Variants in HIBCH observed in about 807,000 individuals in gnomAD.
HIBCH encodes the protein 3-hydroxyisobutyryl-CoA hydrolase, also known as 3-hydroxyisobutyryl-CoA hydrolase, mitochondrial.
In HIBCH, 50 loss-of-function variants were observed where a neutral mutation model predicts 58.2. That is an observed-to-expected ratio of 0.86 (90% CI 0.68 to 1.09). HIBCH has a LOEUF of 1.09. HIBCH is among the 50% of genes least tolerant of loss of function. HIBCH has a pLI of 0.00. For missense variants in HIBCH, 450 were observed against 449.7 expected (o/e 1.00, Z -0.01); for synonymous variants, 151 against 146.9 (o/e 1.03, Z -0.20).
intron 11 of HIBCH, among the ~76,000 whole-genome samples, chr2:190,220,916 T>C (rs1454194219): frequency 6.6e-6 from 1 of 152,200 alleles, no homozygotes; most frequent in African/African-American, 2.4e-5. Flanking sequence ...CAATTGTTCC[T>C]CAGCACTACC....
chr2:190,278,666 G>C (rs1463216167), intron 6 of HIBCH, among the ~76,000 whole-genome samples: 1 of 149,672 alleles, frequency 6.7e-6, no homozygotes, highest in Non-Finnish European at 1.5e-5. Context: ...GTAACACCAG[G>C]GAGCTTTAAA....
At chr2:190,276,835 C>T (rs1040516179) in intron 6 of HIBCH, among the ~76,000 whole-genome samples, 3 of 152,162 alleles carry the variant, frequency 2.0e-5, no homozygotes, top group African/African-American at 7.2e-5. Context: ...CATTTTTCTT[C>T]AGTTACCAAT....
At chr2:190,193,093 AAG>A (rs1218655179) in intron 1 of HIBCH, among the ~76,000 whole-genome samples, 1 of 152,112 alleles carries the variant, frequency 6.6e-6, no homozygotes, top group Admixed American at 6.5e-5. Flanking sequence ...CATAGGGAAA[AAG>A]TGTTGTCTTT....
In HIBCH at chr2:190,259,365, G is replaced by C. The variant is rs7598322; in HGVS notation, c.517+1791C>G. Among the ~76,000 whole-genome samples, 799 of 141,212 alleles carry C rather than the reference G, an allele frequency of 5.7e-3. 10 individuals carry two copies. The highest frequency in any genetic ancestry group is 0.021 in the African/African-American group (749 of 35,840). 92.6% of individuals were successfully genotyped at this position (141,212 alleles called of 152,430 possible). The stretch of plus-strand genomic sequence containing the variant: ...TGTGTGTGTGTGTGTGTGTGTGTGT[G>C]TGTCTGTCTGACTGACATGGTCTGG... On this transcript the variant is annotated intron_variant, in intron 7 of 13. Coordinates refer to ENST00000359678, the MANE Select transcript of HIBCH (RefSeq NM_014362.4).
chr2:190,257,706 T>C (rs909859881), intron 7 of HIBCH, among the ~76,000 whole-genome samples: 4 of 152,084 alleles, frequency 2.6e-5, no homozygotes, highest in Non-Finnish European at 2.9e-5. Context: ...AAGCCCAATA[T>C]CATGGTGCCA....
At chr2:190,262,363 A>G (rs924617132) in intron 6 of HIBCH, among the ~76,000 whole-genome samples, 1 of 152,188 alleles carries the variant, frequency 6.6e-6, no homozygotes, top group Non-Finnish European at 1.5e-5. Flanking sequence ...AACTTGTCTA[A>G]TAACTGCCCC....
At chr2:190,312,490 T>C (rs291448) in intron 1 of HIBCH, among the ~76,000 whole-genome samples, 84,597 of 152,010 alleles carry the variant, frequency 0.56, 24,291 homozygotes, top group South Asian at 0.61. Context: ...TGACAATCTG[T>C]TAATTTTTCA....
At chr2:190,309,077 C>T (rs1162566491) in intron 2 of HIBCH, among the ~76,000 whole-genome samples, 1 of 152,166 alleles carries the variant, frequency 6.6e-6, no homozygotes, top group Non-Finnish European at 1.5e-5. Context: ...CTTCATAAAA[C>T]ACCCCAAGAG....
chr2:190,296,410 A>G (rs1688104913), intron 3 of HIBCH, among the ~76,000 whole-genome samples: 1 of 117,878 alleles, frequency 8.5e-6, no homozygotes, highest in African/African-American at 3.2e-5. Context: ...ACAGAGTGAG[A>G]CTCCTCCGTC....
intron 6 of HIBCH, among the ~76,000 whole-genome samples, chr2:190,264,591 T>C (rs1687180090): frequency 1.3e-5 from 2 of 152,324 alleles, no homozygotes; most frequent in South Asian, 2.1e-4. Flanking sequence ...CAACATTATG[T>C]TTGTGAGATT....
At chr2:190,238,442 CAT>C (rs968792959) in intron 11 of HIBCH, among the ~76,000 whole-genome samples, 13 of 151,842 alleles carry the variant, frequency 8.6e-5, no homozygotes, top group African/African-American at 2.7e-4. Flanking sequence ...AACTTTTTTT[CAT>C]ATGTTTGTTG....
rs1688690698 is a variant in HIBCH, at chr2:190,315,480, G to A, written c.35+4236C>T. On this transcript the variant is annotated intron_variant, in intron 1 of 13. Coordinates refer to ENST00000359678, the MANE Select transcript of HIBCH (RefSeq NM_014362.4). This position sits in a 1 kb window ranked among gnomAD's most constrained non-coding sequence, Gnocchi z 5.4. ...AACAAACCCTCCAGGTGGTTATGAT[G>A]CGTGAAGTTTAAATAAACAACTGTC... 6.6e-6 allele frequency among the ~76,000 whole-genome samples: 1 copy of A among 152,178 alleles called. No individual in the cohort carries two copies. The highest frequency in any genetic ancestry group is 2.4e-5 in the African/African-American group (1 of 41,428).
At chr2:190,205,356 A>G (rs189691978) in intron 13 of HIBCH, 124 bp from the exon 14 acceptor site, 2 of 640,848 alleles carry the variant, frequency 3.1e-6, no homozygotes, top group South Asian at 3.6e-5. Context: ...TTTCCTGCAA[A>G]ATTTTTATAT....
At chr2:190,229,456 G>C (rs1686024361) in intron 11 of HIBCH, among the ~76,000 whole-genome samples, 1 of 152,182 alleles carries the variant, frequency 6.6e-6, no homozygotes, top group Non-Finnish European at 1.5e-5. Context: ...CATGCTGTGA[G>C]ATAAACTTTC....
Position 190,214,111 on chromosome 2 carries a change from A to G in HIBCH, c.892-1036T>C, listed in dbSNP as rs1690577359. The G allele has an allele frequency of 6.6e-6, 1 of 152,152 alleles. No individual in the cohort carries two copies. Among genetic ancestry groups the G allele is most frequent in the Non-Finnish European group, 1.5e-5 (1 of 68,068 alleles). 9.4% of individuals were successfully genotyped at this position (152,152 alleles called of 1,614,324 possible). The stretch of plus-strand genomic sequence containing the variant: ...ACTTGATTTATGTGGCCTGCTCTGG[A>G]CATCTTGGCTCCCCGCAGAAGCCAC... On this transcript the variant is annotated intron_variant, in intron 11 of 13. Transcript: ENST00000359678. The surrounding 1 kb of genome is among the most constrained non-coding windows in gnomAD (Gnocchi z 5.5).
chr2:190,266,627 T>G (rs1393231959), intron 6 of HIBCH, among the ~76,000 whole-genome samples: 1 of 152,038 alleles, frequency 6.6e-6, no homozygotes, highest in Non-Finnish European at 1.5e-5. Flanking sequence ...AGAGATGGGA[T>G]TTCACCATGT....
chr2:190,256,443 C>CAA (rs775861983), intron 7 of HIBCH, among the ~76,000 whole-genome samples: 11 of 102,154 alleles, frequency 1.1e-4, no homozygotes, highest in African/African-American at 2.4e-4. Context: ...TCCAATTCTG[C>CAA]AAAAAAAAAA....
intron 6 of HIBCH, among the ~76,000 whole-genome samples, chr2:190,262,163 C>CAAAAAAAAAAAAAAA (rs982653583): frequency 3.3e-5 from 3 of 91,916 alleles, no homozygotes; most frequent in African/African-American, 3.9e-5. Flanking sequence ...GCGGTAGAGA[C>CAAAAAAAAAAAAAAA]AAAAAAAAAA....
Position 190,209,220 on chromosome 2 carries a change from T to C in HIBCH, c.1012-307A>G, listed in dbSNP as rs545131459. ...GCCCAATTTCACCAGTCCTTTAATA[T>C]GGTCACTTTCCTGTCAAAATGTCAT... On this transcript the variant is annotated intron_variant, in intron 12 of 13. Coordinates refer to ENST00000359678, the MANE Select transcript of HIBCH (RefSeq NM_014362.4). The surrounding 1 kb of genome is among the most constrained non-coding windows in gnomAD (Gnocchi z 5.6). Among the ~76,000 whole-genome samples the C allele has an allele frequency of 6.6e-6, 1 of 152,338 alleles. No homozygotes were observed. Among genetic ancestry groups the C allele is most frequent in the East Asian group, 1.9e-4 (1 of 5,188 alleles).
Sources: allele counts gnomAD v4.1 joint callset (sites outside exome capture counted in the v4.1 genomes callset), GRCh38; gene constraint gnomAD v4.1.1; non-coding constraint Gnocchi (gnomAD v3.1); transcripts MANE v1.5; gene names NCBI Gene and HGNC (gene_info 2026-07-23, HGNC 2026-07-21).